NRAP: variants seen among roughly 807,000 people sequenced by gnomAD.
NRAP encodes nebulin related anchoring protein, also known as nebulin-related-anchoring protein.
NRAP carries 189 observed loss-of-function variants against 225.9 expected under a neutral mutation model. The ratio of observed to expected loss-of-function variants is 0.84; its 90% CI spans 0.74 to 0.94. The LOEUF is 0.94. NRAP is among the 40% of genes least tolerant of loss of function. NRAP has a pLI of 0.00. For missense variants in NRAP, 2,176 were observed against 2,168.7 expected (o/e 1.00, Z -0.07); for synonymous variants, 769 against 790.7 (o/e 0.97, Z 0.46).
intron 14 of NRAP, 108 bp downstream of exon 14, chr10:113,640,119 T>C (rs2134089042): frequency 1.5e-6 from 1 of 664,938 alleles, no homozygotes; most frequent in Middle Eastern, 2.5e-4. Context: ...CTTCAACCTC[T>C]TATGAACTGT....
chr10:113,602,000 C>A (rs1592737212), intron 35 of NRAP, among the ~76,000 whole-genome samples: 1 of 152,338 alleles, frequency 6.6e-6, no homozygotes, highest in African/African-American at 2.4e-5. Context: ...ATCCTCCCAC[C>A]TCAGCCTCCC....
intron 14 of NRAP, 67 bp from the exon 15 acceptor site, chr10:113,634,277 C>T (rs1848737659): frequency 8.8e-7 from 1 of 1,140,416 alleles, no homozygotes; most frequent in East Asian, 2.4e-5. Context: ...AGCTCCCTCT[C>T]CCAAGCCCAA....
At chr10:113,656,245 G>C (rs920188964) in intron 4 of NRAP, among the ~76,000 whole-genome samples, 3 of 152,118 alleles carry the variant, frequency 2.0e-5, no homozygotes, top group Non-Finnish European at 4.4e-5. Flanking sequence ...ATTGATTTCA[G>C]GTCTTTAGTT....
At chr10:113,650,200 G>A in intron 8 of NRAP, 59 bp from the exon 9 acceptor site, 1 of 1,057,036 alleles carries the variant, frequency 9.5e-7, no homozygotes. Flanking sequence ...GGAGCCAAAA[G>A]AGTAAAAGTG....
intron 31 of NRAP, 126 bp downstream of exon 31, chr10:113,610,333 G>A (rs1253453366): frequency 7.4e-6 from 4 of 543,934 alleles, no homozygotes; most frequent in African/African-American, 6.0e-5. Flanking sequence ...CTGGGTGACA[G>A]AGCGAGACTC....
chr10:113,592,873 G>T (rs893603172), intron 38 of NRAP, among the ~76,000 whole-genome samples: 3 of 152,142 alleles, frequency 2.0e-5, no homozygotes, highest in African/African-American at 7.2e-5. Context: ...TAAATTTATT[G>T]TCAAGCACCT....
At chr10:113,647,595 T>C (rs376104674) in intron 9 of NRAP, among the ~76,000 whole-genome samples, 4,145 of 34,288 alleles carry the variant, frequency 0.12, 610 homozygotes, top group East Asian at 0.19. Context: ...CTTCCTCCCC[T>C]AGTGGTACTG....
chr10:113,610,579 A>C lies in NRAP; in HGVS notation c.3499-16T>G, dbSNP rs1239655099. 24 of 1,484,450 alleles carry C rather than the reference A, an allele frequency of 1.6e-5. No homozygotes were observed. The highest frequency in any genetic ancestry group is 6.7e-5 in the Admixed American group (4 of 59,724). The allele number at this position is 1,484,450 out of a possible 1,614,324, so 92.0% of individuals were successfully genotyped here. The stretch of plus-strand genomic sequence containing the variant: ...GGTACAAATTCTAGAAGAAATAATA[A>C]ATACAAAGAATCAGAAAAGCCAAGC... On this transcript the variant is annotated splice_polypyrimidine_tract_variant and intron_variant, in intron 30 of 41. Transcript: ENST00000359988.
chr10:113,614,749 C>A, intron 28 of NRAP, 90 bp downstream of exon 28: 1 of 786,012 alleles, frequency 1.3e-6, no homozygotes, highest in Admixed American at 1.9e-5. Flanking sequence ...GGGAATTATC[C>A]ACAGGCAAAA....
At chr10:113,646,773 G>A in intron 10 of NRAP, 150 bp downstream of exon 10, 2 of 651,416 alleles carry the variant, frequency 3.1e-6, no homozygotes, top group Non-Finnish European at 2.8e-6. Flanking sequence ...GCCAAAGCAG[G>A]CATCATAAAT....
chr10:113,613,940 A>C (rs1039861073), intron 29 of NRAP, among the ~76,000 whole-genome samples: 47 of 152,296 alleles, frequency 3.1e-4, no homozygotes, highest in African/African-American at 9.9e-4. Flanking sequence ...GCCCATGTCC[A>C]CTGGTGAAAA....
At chr10:113,617,602 A>C in intron 25 of NRAP, 49 bp from the exon 26 acceptor site, 1 of 1,086,258 alleles carries the variant, frequency 9.2e-7, no homozygotes, top group East Asian at 2.4e-5. Context: ...CTGCTCTTTC[A>C]TGCCATTTGA....
intron 11 of NRAP, among the ~76,000 whole-genome samples, chr10:113,644,981 A>G (rs1849417363): frequency 6.6e-6 from 1 of 152,182 alleles, no homozygotes; most frequent in African/African-American, 2.4e-5. Flanking sequence ...ATGAGGTTCT[A>G]CAGGGGATAT....
intron 38 of NRAP, among the ~76,000 whole-genome samples, chr10:113,594,644 G>A (rs1026275770): frequency 6.6e-6 from 1 of 152,182 alleles, no homozygotes; most frequent in Admixed American, 6.5e-5. Flanking sequence ...ATTATCCCCT[G>A]CACATCCCTC....
At position 113,657,470 on chromosome 10, in the gene NRAP, C is replaced by A. The variant is rs1850378644; in HGVS notation, c.360G>T (p.Glu120Asp). 6.6e-7 allele frequency: 1 copy of A among 1,512,730 alleles called. No homozygotes were observed. The highest frequency in any genetic ancestry group is 1.4e-5 in the African/African-American group (1 of 73,064). The allele number at this position is 1,512,730 out of a possible 1,614,324, so 93.7% of individuals were successfully genotyped here. ...GAPNRQPLAN[E>D]RAYWTGYGEG... Reference sequence around the variant, plus strand: ...AACCCACTTGTCACTTTTCTCTCACCTCATTTGCCAGTGGCTGCCTGTTAG... The same window carrying A: ...AACCCACTTGTCACTTTTCTCTCACATCATTTGCCAGTGGCTGCCTGTTAG... Residue 120 changes from glutamate (E) to aspartate (D), a missense_variant and splice_region_variant, in exon 4 of 42, where the codon GAG becomes GAT. Physicochemically the swap from Glu to Asp is conservative, Grantham distance 45 (BLOSUM62 2). Transcript: ENST00000359988.
intron 31 of NRAP, 132 bp downstream of exon 31, chr10:113,610,327 G>A: frequency 1.9e-6 from 1 of 536,740 alleles, no homozygotes; most frequent in South Asian, 2.2e-5. Flanking sequence ...TCCAGCCTGG[G>A]TGACAGAGCG....
At chr10:113,610,782 T>A (rs935018638) in intron 30 of NRAP, among the ~76,000 whole-genome samples, 1 of 152,202 alleles carries the variant, frequency 6.6e-6, no homozygotes, top group Non-Finnish European at 1.5e-5. Context: ...AAGAAAATAA[T>A]TCTGCTGTCA....
chr10:113,642,488 G>A (rs3121471), intron 12 of NRAP, among the ~76,000 whole-genome samples: 84,206 of 151,846 alleles, frequency 0.55, 24,585 homozygotes, highest in East Asian at 0.73. Flanking sequence ...CCAAATTTGC[G>A]AATGCCCCTC....
Position 113,588,896 on chromosome 10 carries a change from C to G in NRAP, c.*79G>C, listed in dbSNP as rs751515984. ...GGGCTGGTGGGCCATTCCAGCTTGCCGAAATCAAAGCCATCTGAAGCCTGT... is the reference window on the plus strand; with the variant it reads ...GGGCTGGTGGGCCATTCCAGCTTGCGGAAATCAAAGCCATCTGAAGCCTGT... On this transcript the variant is annotated 3_prime_UTR_variant, in exon 42 of 42. Transcript: ENST00000359988. 1.4e-5 allele frequency: 16 copies of G among 1,133,078 alleles called. No homozygotes were observed. The highest frequency in any genetic ancestry group is 4.6e-5 in the African/African-American group (3 of 65,248). The allele number at this position is 1,133,078 out of a possible 1,614,324, so 70.2% of individuals were successfully genotyped here. A position where few individuals can be genotyped will look rare whatever the true frequency, so the allele number is the denominator to read the frequency against.
Sources: gnomAD v4.1 joint callset for allele counts (sites outside exome capture counted in the v4.1 genomes callset) on GRCh38, gnomAD v4.1.1 for gene constraint, MANE v1.5 for transcripts, NCBI Gene and HGNC (gene_info 2026-07-23, HGNC 2026-07-21) for gene names.